Variants in OTOF observed in about 807,000 individuals in gnomAD.
OTOF encodes fer-1-like family member 2.
In OTOF, 218 loss-of-function variants were observed where a neutral mutation model predicts 236.8. The observed-to-expected ratio is 0.92, with a 90% CI of 0.82 to 1.03. OTOF has a LOEUF of 1.03. OTOF is among the 50% of genes least tolerant of loss of function. The pLI, the probability that OTOF is intolerant of heterozygous loss-of-function variation, is 0.00. For synonymous variants in OTOF, 1,041 were observed against 1,072.5 expected, an observed-to-expected ratio of 0.97 and a Z score of 0.57; for missense variants, 2,590 against 2,694.4, an observed-to-expected ratio of 0.96 and a Z score of 0.86.
intron 22 of OTOF, 32 bp downstream of exon 22, chr2:26,476,859 C>T (rs1182604843): frequency 1.9e-6 from 3 of 1,598,744 alleles, no homozygotes; most frequent in African/African-American, 1.3e-5. Flanking sequence ...TGAAAGGACC[C>T]AGGCCCCCAT....
rs34196608 is a variant in OTOF, at chr2:26,554,165, C to CAAA, written c.79+4325_79+4327dup. On this transcript the variant is annotated intron_variant, in intron 1 of 46. Transcript: ENST00000272371. Reference sequence around the variant, plus strand: ...TCCAGCCTGGCGACAGAGCGAGACTCAAAAAAAAAAAAAAAAAAAAAAATC... The same window carrying CAAA: ...TCCAGCCTGGCGACAGAGCGAGACTCAAAAAAAAAAAAAAAAAAAAAAAAAATC... Among the ~76,000 whole-genome samples the CAAA allele has an allele frequency of 8.7e-3, 689 of 79,210 alleles. 16 individuals carry two copies. Among genetic ancestry groups the CAAA allele is most frequent in the African/African-American group, 0.018 (339 of 19,142 alleles). The allele number at this position is 79,210 out of a possible 152,430, so 52.0% of individuals were successfully genotyped here.
intron 3 of OTOF, among the ~76,000 whole-genome samples, chr2:26,524,851 T>A (rs1666763263): frequency 6.6e-6 from 1 of 152,218 alleles, no homozygotes; most frequent in African/African-American, 2.4e-5. Context: ...TGGTTTCCCC[T>A]CCTGCACAGC....
At chr2:26,541,073 C>T (rs1667202358) in intron 1 of OTOF, among the ~76,000 whole-genome samples, 1 of 152,180 alleles carries the variant, frequency 6.6e-6, no homozygotes, top group South Asian at 2.1e-4. Flanking sequence ...AACCAAAGGC[C>T]TTTGCATCCT....
At chr2:26,552,582 C>T (rs981975402) in intron 1 of OTOF, among the ~76,000 whole-genome samples, 6 of 152,164 alleles carry the variant, frequency 3.9e-5, no homozygotes, top group African/African-American at 9.7e-5. Flanking sequence ...CATGAAAATA[C>T]ACTTCCTATC....
intron 8 of OTOF, among the ~76,000 whole-genome samples, chr2:26,497,715 G>A (rs532215445): frequency 7.9e-5 from 12 of 152,328 alleles, no homozygotes; most frequent in African/African-American, 1.9e-4. Context: ...AAACATTTCC[G>A]TTTGGAACGT....
chr2:26,480,424 C>T (rs899530845), intron 15 of OTOF, 113 bp from the exon 16 acceptor site: 6 of 754,060 alleles, frequency 8.0e-6, no homozygotes, highest in Non-Finnish European at 1.4e-5. Context: ...GGGGGCATCC[C>T]ACCCGGCTTT....
chr2:26,542,010 A>C (rs182604681), intron 1 of OTOF, among the ~76,000 whole-genome samples: 2 of 152,354 alleles, frequency 1.3e-5, no homozygotes. Context: ...TTAAAGTGTA[A>C]CAAGTGCCAT....
chr2:26,528,568 C>T (rs1558517177), intron 2 of OTOF, among the ~76,000 whole-genome samples: 3 of 152,194 alleles, frequency 2.0e-5, no homozygotes, highest in Non-Finnish European at 2.9e-5. Flanking sequence ...GTTGCTTCCT[C>T]CCTAACTCAA....
intron 1 of OTOF, among the ~76,000 whole-genome samples, chr2:26,552,977 A>C (rs1454499144): frequency 6.6e-6 from 1 of 152,218 alleles, no homozygotes; most frequent in Non-Finnish European, 1.5e-5. Flanking sequence ...GGGTGGGTGC[A>C]CTGGGTATTC....
At position 26,474,554 on chromosome 2, in the gene OTOF, C is replaced by A. The variant is rs80356574; in HGVS notation, c.3247G>T (p.Ala1083Ser). 1.2e-5 allele frequency: 19 copies of A among 1,612,778 alleles called. No individual in the cohort carries two copies. The highest frequency in any genetic ancestry group is 1.5e-5 in the Non-Finnish European group (18 of 1,179,918). Residue 1083 changes from alanine (A) to serine (S), a missense_variant, in exon 26 of 47, where the codon GCC (alanine) becomes TCC (serine). Ala to Ser is a moderately conservative substitution (Grantham distance 99). Coordinates refer to ENST00000272371, the MANE Select transcript of OTOF (RefSeq NM_194248.3). ...LEYYQIYRGNATAGDLLAAFE... is the reference protein window; with the variant it reads ...LEYYQIYRGNSTAGDLLAAFE... Reference sequence around the variant, plus strand: ...GCCGCCAGCAGGTCTCCAGCTGTGGCGTTGCCACGGTAGATCTGGTAGTAC... The same window carrying A: ...GCCGCCAGCAGGTCTCCAGCTGTGGAGTTGCCACGGTAGATCTGGTAGTAC...
intron 5 of OTOF, among the ~76,000 whole-genome samples, chr2:26,511,012 C>G (rs1666373592): frequency 6.6e-6 from 1 of 152,254 alleles, no homozygotes; most frequent in Admixed American, 6.5e-5. Flanking sequence ...ACCCCAAGCT[C>G]TGATACCTCA....
chr2:26,459,281 G>A (rs62127666), intron 46 of OTOF, among the ~76,000 whole-genome samples: 3 of 152,142 alleles, frequency 2.0e-5, no homozygotes, highest in African/African-American at 7.2e-5. Context: ...GGCTGGGCGC[G>A]GTGGCTCACG....
rs56304724 is a variant in OTOF, at chr2:26,489,233, C to T, written c.1023G>A (p.Val341=). The T allele has an allele frequency of 1.2e-6, 2 of 1,612,716 alleles. No homozygotes were observed. Among genetic ancestry groups the T allele is most frequent in the East Asian group, 2.2e-5 (1 of 44,850 alleles). Residue 341 remains valine, a synonymous_variant, in exon 11 of 47, where the codon GTG becomes GTA. Coordinates refer to ENST00000272371, the MANE Select transcript of OTOF (RefSeq NM_194248.3). ...GTLVGSFKMD[V]GTVYSQPEHQ... ...CACCTGGCTGCGAGTACACGGTTCC[C>T]ACGTCCATTTTGAAGGAGCCCACCA...
chr2:26,522,892 G>A (rs1260133693), intron 3 of OTOF, among the ~76,000 whole-genome samples: 2 of 152,356 alleles, frequency 1.3e-5, no homozygotes, highest in African/African-American at 4.8e-5. Flanking sequence ...TGGCAAAGAG[G>A]ACACCCCTCA....
chr2:26,510,834 C>G, intron 5 of OTOF: 1 of 833,742 alleles, frequency 1.2e-6, no homozygotes, highest in Admixed American at 2.7e-5. Context: ...CCCGGCCCCA[C>G]GGGCCTGCAC....
intron 3 of OTOF, among the ~76,000 whole-genome samples, chr2:26,524,267 G>A (rs1666748016): frequency 6.6e-6 from 1 of 152,232 alleles, no homozygotes; most frequent in South Asian, 2.1e-4. Context: ...CAGCACTTTG[G>A]GAAGCTGAGG....
rs756388245 is a variant in OTOF, at chr2:26,502,399, T to A, written c.611A>T (p.Asp204Val). 1.2e-6 allele frequency: 2 copies of A among 1,613,708 alleles called. No homozygotes were observed. Among genetic ancestry groups the A allele is most frequent in the South Asian group, 2.2e-5 (2 of 91,018 alleles). Residue 204 changes from aspartate to valine, a missense_variant, in exon 7 of 47, where the codon GAC (aspartate) becomes GTC (valine). Asp to Val is a radical substitution (Grantham distance 152). Around this residue, in one of 2 missense-constraint regions of OTOF, gnomAD observed 1,379 missense variants for 1,341.6 expected, o/e 1.03. Transcript: ENST00000272371. ...PDEPAVLEME[D>V]LDHLAIRLGD... ...TAGCCGAATGGCCAGATGGTCAAGG[T>A]CTTCCATCTCCAGCACCGCCGGTTC...
At chr2:26,526,086 CAAAAAA>C (rs796661291) in intron 3 of OTOF, among the ~76,000 whole-genome samples, 1 of 58,432 alleles carries the variant, frequency 1.7e-5, no homozygotes, top group Non-Finnish European at 3.6e-5. Flanking sequence ...GACTCTGTCT[CAAAAAA>C]AAAAAAAAAA....
chr2:26,512,410 G>A (rs116745618), intron 5 of OTOF, among the ~76,000 whole-genome samples: 253 of 152,362 alleles, frequency 1.7e-3, no homozygotes, highest in African/African-American at 5.8e-3. Flanking sequence ...AAACACATGG[G>A]CACTTGTGTA....
Sources: allele counts gnomAD v4.1 joint callset (sites outside exome capture counted in the v4.1 genomes callset), GRCh38; gene constraint gnomAD v4.1.1; regional missense constraint gnomAD v4.1.1; transcripts MANE v1.5; gene names NCBI Gene and HGNC (gene_info 2026-07-23, HGNC 2026-07-21).